The following ADCY9 variants were observed in gnomAD, a reference collection of about 807,000 sequenced individuals.
ADCY9 encodes the protein adenylate cyclase 9, also known as adenylate cyclase type 9.
ADCY9 carries 50 observed loss-of-function variants against 101.5 expected under a neutral mutation model. That is an observed-to-expected ratio of 0.49 (90% CI 0.39 to 0.62). ADCY9 has a LOEUF of 0.62. Ranked by LOEUF, ADCY9 falls within the 20% of genes least tolerant of loss-of-function variation. The probability of loss-of-function intolerance (pLI) is 0.00; values close to 1 mark genes in which losing one functional copy is unlikely to be tolerated. For missense variants in ADCY9, 1,662 were observed against 1,800.4 expected, an observed-to-expected ratio of 0.92 and a Z score of 1.39; for synonymous variants, 905 against 769.3, an observed-to-expected ratio of 1.18 and a Z score of -2.92.
intron 2 of ADCY9, among the ~76,000 whole-genome samples, chr16:4,026,544 T>C (rs2056516642): frequency 6.6e-6 from 1 of 151,600 alleles, no homozygotes; most frequent in Non-Finnish European, 1.5e-5. Flanking sequence ...TGTACGCAAA[T>C]GTTTGTAGCG....
In ADCY9 at chr16:4,106,096, C is replaced by T. The variant is rs544906351; in HGVS notation, c.1693+7654G>A. Reference sequence around the variant, plus strand: ...AACATTGAGCCTTCCCACTTAACTCCGCAGAAAGGATGCCAGGAATTTTTT... The same window carrying T: ...AACATTGAGCCTTCCCACTTAACTCTGCAGAAAGGATGCCAGGAATTTTTT... On this transcript the variant is annotated intron_variant, in intron 2 of 10. Transcript: ENST00000294016. 2.0e-4 allele frequency among the ~76,000 whole-genome samples: 31 copies of T among 152,290 alleles called. 1 individual carries two copies. In the South Asian group the frequency reaches 4.6e-3, roughly 22 times the overall value.
chr16:3,988,499 TG>T (rs1304091118), intron 6 of ADCY9, among the ~76,000 whole-genome samples: 1 of 13,796 alleles, frequency 7.2e-5, no homozygotes, highest in African/African-American at 3.6e-4. Flanking sequence ...AGGGCAGGTG[TG>T]GGGGGTTCCC....
Position 4,115,526 on chromosome 16 carries a change from G to A in ADCY9, c.-43-41C>T. ...GGAGAGTTAGCGGCGCTCCCACCTAGGCATGCACGCCTAGAGGCCCGGGAC... is the reference window on the plus strand; with the variant it reads ...GGAGAGTTAGCGGCGCTCCCACCTAAGCATGCACGCCTAGAGGCCCGGGAC... On this transcript the variant is annotated intron_variant, in intron 1 of 10. Coordinates refer to ENST00000294016, the MANE Select transcript of ADCY9 (RefSeq NM_001116.4). This position sits in a 1 kb window ranked among gnomAD's most constrained non-coding sequence, Gnocchi z 6.2. The A allele has an allele frequency of 1.4e-6, 2 of 1,440,196 alleles. No homozygotes were observed. The highest frequency in any genetic ancestry group is 1.8e-6 in the Non-Finnish European group (2 of 1,094,918). The allele number at this position is 1,440,196 out of a possible 1,614,324, so 89.2% of individuals were successfully genotyped here.
At chr16:4,093,551 CT>C (rs901284916) in intron 2 of ADCY9, among the ~76,000 whole-genome samples, 7 of 151,488 alleles carry the variant, frequency 4.6e-5, no homozygotes, top group South Asian at 4.2e-4. Context: ...TATCATTCAA[CT>C]TTTTTTTTGT....
chr16:3,996,284 C>T (rs920701392), intron 3 of ADCY9, among the ~76,000 whole-genome samples: 4 of 152,134 alleles, frequency 2.6e-5, no homozygotes, highest in Non-Finnish European at 5.9e-5. Flanking sequence ...ATTGCTTCAG[C>T]GAAGGAAGTC....
downstream of ADCY9, among the ~76,000 whole-genome samples, chr16:3,959,158 T>G (rs1454190077): frequency 6.6e-6 from 1 of 152,012 alleles, no homozygotes; most frequent in Non-Finnish European, 1.5e-5. Context: ...CCCAGGAATT[T>G]GAGACCAGCC....
At chr16:4,076,392 G>C (rs967185222) in intron 2 of ADCY9, among the ~76,000 whole-genome samples, 4 of 152,178 alleles carry the variant, frequency 2.6e-5, no homozygotes, top group Non-Finnish European at 4.4e-5. Flanking sequence ...AAGAGATTTA[G>C]ATTTTTGCAT....
chr16:4,106,408 G>A (rs139217476), intron 2 of ADCY9, among the ~76,000 whole-genome samples: 1,759 of 152,244 alleles, frequency 0.012, 15 homozygotes, highest in Non-Finnish European at 0.02. Context: ...CTGTTCCGCG[G>A]CAGCACCGGT....
intron 2 of ADCY9, among the ~76,000 whole-genome samples, chr16:4,022,972 C>T (rs1313637826): frequency 1.3e-5 from 2 of 152,096 alleles, no homozygotes; most frequent in Non-Finnish European, 2.9e-5. Flanking sequence ...TACTGTAGTA[C>T]CTGGGGGAAG....
chr16:4,043,656 T>G (rs1174469748), intron 2 of ADCY9, among the ~76,000 whole-genome samples: 1 of 152,008 alleles, frequency 6.6e-6, no homozygotes, highest in African/African-American at 2.4e-5. Context: ...CGCCACTGCA[T>G]TCCAACCTGA....
rs146676396 is a variant in ADCY9 at position 4,059,078 on chromosome 16, G to C, written c.1694-51520C>G. 2.0e-5 allele frequency among the ~76,000 whole-genome samples: 3 copies of C among 152,112 alleles called. No homozygotes were observed. In the East Asian group the frequency reaches 5.8e-4, roughly 29 times the overall value. Reference sequence around the variant, plus strand: ...TGCCAAATTTTACAACAAGCTTATAGTACTTAGAAAGTTGGAAGAAAAACC... The same window carrying C: ...TGCCAAATTTTACAACAAGCTTATACTACTTAGAAAGTTGGAAGAAAAACC... On this transcript the variant is annotated intron_variant, in intron 2 of 10. Coordinates refer to ENST00000294016, the MANE Select transcript of ADCY9 (RefSeq NM_001116.4).
intron 2 of ADCY9, among the ~76,000 whole-genome samples, chr16:4,097,553 A>ATATATATATAT (rs1382458827): frequency 2.2e-4 from 12 of 53,402 alleles, no homozygotes; most frequent in South Asian, 9.5e-4. Context: ...ATATATATAT[A>ATATATATATAT]TTTTTTTTTT....
At chr16:3,974,400 C>T (rs569359783) in intron 10 of ADCY9, among the ~76,000 whole-genome samples, 2 of 152,090 alleles carry the variant, frequency 1.3e-5, no homozygotes, top group Admixed American at 6.6e-5. Flanking sequence ...CTTTGATTTG[C>T]GAGATTTCCT....
At chr16:4,083,058 T>C (rs1027205038) in intron 2 of ADCY9, among the ~76,000 whole-genome samples, 25 of 152,136 alleles carry the variant, frequency 1.6e-4, no homozygotes, top group Non-Finnish European at 2.4e-4. Context: ...AGAGCAAAGA[T>C]GAAAAGCACC....
chr16:4,060,126 G>A (rs13338895), intron 2 of ADCY9, among the ~76,000 whole-genome samples: 4,589 of 152,230 alleles, frequency 0.03, 223 homozygotes, highest in African/African-American at 0.1. Flanking sequence ...AAACCACGGT[G>A]ATTTCCTGTA....
chr16:4,060,949 G>A (rs1473755291), intron 2 of ADCY9, among the ~76,000 whole-genome samples: 1 of 151,986 alleles, frequency 6.6e-6, no homozygotes, highest in Non-Finnish European at 1.5e-5. Context: ...TGGAACTGAA[G>A]GAATTCATGT....
intron 2 of ADCY9, among the ~76,000 whole-genome samples, chr16:4,056,035 C>T (rs1202554210): frequency 2.0e-5 from 3 of 152,132 alleles, no homozygotes; most frequent in Non-Finnish European, 4.4e-5. Context: ...ACAGGCAGTG[C>T]TGGAAACACA....
intron 2 of ADCY9, among the ~76,000 whole-genome samples, chr16:4,109,697 T>G (rs950236128): frequency 3.9e-5 from 6 of 152,116 alleles, no homozygotes; most frequent in Non-Finnish European, 8.8e-5. Flanking sequence ...CTCTTCCTAA[T>G]GCCACTCAGA....
At chr16:3,993,120 C>T (rs2056259057) in intron 4 of ADCY9, among the ~76,000 whole-genome samples, 1 of 152,188 alleles carries the variant, frequency 6.6e-6, no homozygotes, top group African/African-American at 2.4e-5. Context: ...TCCAGTACCA[C>T]AAATCCCCTC....
Sources: allele counts gnomAD v4.1 joint callset (sites outside exome capture counted in the v4.1 genomes callset), GRCh38; gene constraint gnomAD v4.1.1; non-coding constraint Gnocchi (gnomAD v3.1); transcripts MANE v1.5; gene names NCBI Gene and HGNC (gene_info 2026-07-23, HGNC 2026-07-21).